Variants in NDE1 observed in about 807,000 individuals in gnomAD.
The protein encoded by NDE1 is nudE neurodevelopment protein 1.
In NDE1, 28 loss-of-function variants were observed where a neutral mutation model predicts 43.4. That is an observed-to-expected ratio of 0.65 (90% CI 0.48 to 0.89). The LOEUF (loss-of-function observed/expected upper bound fraction) is 0.89, where lower values mean the gene tolerates loss of function less well. NDE1 is among the 40% of genes least tolerant of loss of function. The pLI is 0.00. For synonymous variants in NDE1, 184 were observed against 172.0 expected (o/e 1.07, Z -0.55); for missense variants, 441 against 434.1 (o/e 1.02, Z -0.14).
intron 8 of NDE1, among the ~76,000 whole-genome samples, chr16:15,702,661 C>G (rs2039260913): frequency 6.6e-6 from 1 of 152,048 alleles, no homozygotes; most frequent in Non-Finnish European, 1.5e-5. Context: ...CCATCTCAGC[C>G]TCCCAAAGTG....
intron 1 of NDE1, among the ~76,000 whole-genome samples, chr16:15,663,780 C>T (rs1237195362): frequency 6.6e-6 from 1 of 151,866 alleles, no homozygotes; most frequent in Non-Finnish European, 1.5e-5. Context: ...TCATAATTTA[C>T]ATGGGGTTGG....
At chr16:15,721,140 C>G (rs887595627) in intron 8 of NDE1, 1 of 1,441,088 alleles carries the variant, frequency 6.9e-7, no homozygotes, top group African/African-American at 1.4e-5. Context: ...CTCAGGAGAT[C>G]AGGGAGGTGG....
At chr16:15,695,968 A>T (rs1353350168) in intron 7 of NDE1, 1 of 152,446 alleles carries the variant, frequency 6.6e-6, no homozygotes, top group African/African-American at 2.4e-5. Flanking sequence ...TACTTCCTAC[A>T]AGCGGAGTTG....
At chr16:15,650,057 TCCGG>T (rs2036416350), upstream of NDE1, among the ~76,000 whole-genome samples, 1 of 151,906 alleles carries the variant, frequency 6.6e-6, no homozygotes. Context: ...TCAAACCCCC[TCCGG>T]CCAGGAGCCT....
At chr16:15,686,552 C>T in intron 4 of NDE1, 1 of 984,910 alleles carries the variant, frequency 1.0e-6, no homozygotes, top group Non-Finnish European at 1.2e-6. Flanking sequence ...ATGCCTCATG[C>T]CTGTAATCTC....
chr16:15,696,138 A>G (rs2038999766), intron 7 of NDE1: 1 of 104,548 alleles, frequency 9.6e-6, no homozygotes, highest in Admixed American at 9.4e-5. Flanking sequence ...GGCTGCAGTG[A>G]GCCGTGATCT....
intron 4 of NDE1, among the ~76,000 whole-genome samples, chr16:15,686,195 G>A (rs1018335287): frequency 5.9e-5 from 9 of 151,706 alleles, no homozygotes; most frequent in Non-Finnish European, 1.0e-4. Context: ...CAAGTGATCC[G>A]CCCGCCTCGG....
chr16:15,724,475 C>A lies in NDE1; in HGVS notation c.*224C>A. 1 of 1,609,998 alleles carries A rather than the reference C, an allele frequency of 6.2e-7. No individual in the cohort carries two copies. Among genetic ancestry groups the A allele is most frequent in the South Asian group, 1.1e-5 (1 of 90,882 alleles). ...TGAGTGGCCCCTGTCCCTGGCCCCA[C>A]AGACTCTGAGAAGCGAAGACCATGT... On this transcript the variant is annotated 3_prime_UTR_variant, in exon 9 of 9. Coordinates refer to ENST00000396354, the MANE Select transcript of NDE1 (RefSeq NM_017668.3).
intron 8 of NDE1, 55 bp from the exon 9 acceptor site, chr16:15,724,136 G>A (rs955126242): frequency 8.1e-6 from 13 of 1,612,112 alleles, no homozygotes; most frequent in South Asian, 1.1e-5. Flanking sequence ...CATGGCCAGA[G>A]TGGGGGACAC....
At chr16:15,719,448 G>C (rs749686788) in intron 8 of NDE1, 27 of 1,487,098 alleles carry the variant, frequency 1.8e-5, no homozygotes, top group Non-Finnish European at 2.5e-5. Flanking sequence ...ACATAGAGGA[G>C]GGAAGCGTGT....
rs757604577 is a variant in NDE1, at chr16:15,667,311, C to A, written c.109C>A (p.Arg37=). ...GGCAGAAAATACGCAAGAGGAACTC[C>A]GAGAATTCCAGGAGGGAAGCCGAGA... ...QRAENTQEEL[R]EFQEGSREYE... is the part of the protein sequence containing the mutation. Residue 37 remains arginine, a synonymous_variant, in exon 3 of 9, where the codon CGA becomes AGA. Coordinates refer to ENST00000396354, the MANE Select transcript of NDE1 (RefSeq NM_017668.3). 6.2e-7 allele frequency: 1 copy of A among 1,613,964 alleles called. No individual in the cohort carries two copies. The highest frequency in any genetic ancestry group is 1.3e-5 in the African/African-American group (1 of 74,886).
At chr16:15,682,787 C>A (rs989130609) in intron 4 of NDE1, among the ~76,000 whole-genome samples, 2 of 152,012 alleles carry the variant, frequency 1.3e-5, no homozygotes, top group African/African-American at 4.8e-5. Flanking sequence ...TGCAGTGGTG[C>A]GATCTTAGCT....
chr16:15,678,097 G>A, intron 4 of NDE1, 148 bp downstream of exon 4: 3 of 1,024,862 alleles, frequency 2.9e-6, no homozygotes, highest in South Asian at 1.3e-5. Flanking sequence ...AGTGCCCGGG[G>A]GGAAATGGAC....
intron 8 of NDE1, chr16:15,719,035 G>C: frequency 1.5e-6 from 1 of 656,954 alleles, no homozygotes; most frequent in Admixed American, 2.1e-5. Flanking sequence ...GGCTGAGGCA[G>C]GAGAATTGCT....
intron 3 of NDE1, among the ~76,000 whole-genome samples, chr16:15,674,103 T>C (rs546515611): frequency 2.6e-5 from 4 of 152,284 alleles, no homozygotes; most frequent in South Asian, 2.1e-4. Flanking sequence ...ATGGATGTTA[T>C]TGCTGCAGCT....
chr16:15,690,339 TTTTTTTTTTTTTTC>T lies in NDE1; in HGVS notation c.524-791_524-778del, dbSNP rs2038676098. Among the ~76,000 whole-genome samples, 71 of 103,384 alleles carry T rather than the reference TTTTTTTTTTTTTTC, an allele frequency of 6.9e-4. 3 individuals are homozygous for T. The highest frequency in any genetic ancestry group is 5.1e-3 in the African/African-American group (67 of 13,166). The allele number at this position is 103,384 out of a possible 152,430, so 67.8% of individuals were successfully genotyped here. ...AGGCTTGAGCCAGTGCAACTGGCCT[TTTTTTTTTTTTTTC>T]TTTTTTTTTTTTTTTTTTTTTTTTT... On this transcript the variant is annotated intron_variant, in intron 5 of 8. Coordinates refer to ENST00000396354, the MANE Select transcript of NDE1 (RefSeq NM_017668.3).
intron 4 of NDE1, among the ~76,000 whole-genome samples, chr16:15,686,213 A>G (rs982566065): frequency 6.6e-6 from 1 of 152,036 alleles, no homozygotes; most frequent in Admixed American, 6.6e-5. Context: ...CGGCCTCCCA[A>G]AGTGCTGGGA....
At position 15,724,709 on chromosome 16, in the gene NDE1, G is replaced by C. The variant is rs750013920; in HGVS notation, c.*458G>C. 1 of 1,614,200 alleles carries C rather than the reference G, an allele frequency of 6.2e-7. No individual in the cohort carries two copies. The highest frequency in any genetic ancestry group is 1.7e-5 in the Admixed American group (1 of 60,032). On this transcript the variant is annotated 3_prime_UTR_variant, in exon 9 of 9. Transcript: ENST00000396354. The stretch of plus-strand genomic sequence containing the variant: ...TGCTTGGCCTCCATCTCCTCGTCCA[G>C]CTGGTCTTGCAGGCTGTTCCGCTCC...
intron 8 of NDE1, chr16:15,719,258 C>G: frequency 1.2e-6 from 2 of 1,613,552 alleles, no homozygotes; most frequent in Non-Finnish European, 1.7e-6. Context: ...CTGCCAGTTC[C>G]TCCTTCTCGA....
Sources: allele counts gnomAD v4.1 joint callset (sites outside exome capture counted in the v4.1 genomes callset), GRCh38; gene constraint gnomAD v4.1.1; transcripts MANE v1.5; gene names NCBI Gene and HGNC (gene_info 2026-07-23, HGNC 2026-07-21).